TIMD4: variants seen among roughly 807,000 people sequenced by gnomAD.
TIMD4 encodes the protein T-cell immunoglobulin and mucin domain-containing protein 4.
In TIMD4, 31 loss-of-function variants were observed where a neutral mutation model predicts 41.2. The observed-to-expected ratio is 0.75, with a 90% CI of 0.57 to 1.01. TIMD4 has a LOEUF of 1.01. TIMD4 is among the 50% of genes least tolerant of loss of function. TIMD4 has a pLI of 0.00. For synonymous variants in TIMD4, 204 were observed against 177.1 expected (o/e 1.15, Z -1.21); for missense variants, 479 against 472.5 (o/e 1.01, Z -0.13).
chr5:156,941,948 G>T (rs1759658409), intron 5 of TIMD4, among the ~76,000 whole-genome samples: 1 of 152,178 alleles, frequency 6.6e-6, no homozygotes, highest in Non-Finnish European at 1.5e-5. Flanking sequence ...AGCTTCAACT[G>T]GCTTTGCAAA....
chr5:156,933,729 T>C (rs1415919854), intron 5 of TIMD4, among the ~76,000 whole-genome samples: 1 of 151,984 alleles, frequency 6.6e-6, no homozygotes, highest in Non-Finnish European at 1.5e-5. Context: ...AATTTTTGTA[T>C]TTTTGGTAGA....
chr5:156,937,030 T>C (rs577944840), intron 5 of TIMD4, among the ~76,000 whole-genome samples: 1 of 151,830 alleles, frequency 6.6e-6, no homozygotes, highest in Non-Finnish European at 1.5e-5. Context: ...TTATTATCGA[T>C]GATTATTATT....
At chr5:156,957,417 G>A (rs1054232623) in intron 1 of TIMD4, among the ~76,000 whole-genome samples, 1 of 149,676 alleles carries the variant, frequency 6.7e-6, no homozygotes, top group East Asian at 2.0e-4. Context: ...GGAGGCTGAG[G>A]CAGGAGAATC....
At chr5:156,942,231 A>G (rs1008025331) in intron 5 of TIMD4, among the ~76,000 whole-genome samples, 5 of 152,216 alleles carry the variant, frequency 3.3e-5, no homozygotes. Context: ...GCACAAGAAA[A>G]GTGAAACCTC....
At position 156,954,826 on chromosome 5, in the gene TIMD4, T is replaced by C. The variant is rs1037736552; in HGVS notation, c.59-70A>G. On this transcript the variant is annotated intron_variant, in intron 1 of 8. Transcript: ENST00000274532. ...TCTCAAACATGCTACACAGTTTTTG[T>C]GCTAATAGATGCTTCCAGGAAGATG... is the stretch of plus-strand genomic sequence containing the variant. 4.1e-6 allele frequency: 5 copies of C among 1,229,662 alleles called. No homozygotes were observed. The African/African-American group carries it at 7.6e-5, about 19-fold the overall frequency. The allele number at this position is 1,229,662 out of a possible 1,614,324, so 76.2% of individuals were successfully genotyped here.
At chr5:156,925,660 A>G (rs1759333434) in intron 6 of TIMD4, among the ~76,000 whole-genome samples, 1 of 152,218 alleles carries the variant, frequency 6.6e-6, no homozygotes, top group Non-Finnish European at 1.5e-5. Flanking sequence ...GCAGTATGTC[A>G]TGAACTCTGG....
chr5:156,933,342 T>G (rs1348438104), intron 5 of TIMD4, among the ~76,000 whole-genome samples: 1 of 152,144 alleles, frequency 6.6e-6, no homozygotes, highest in South Asian at 2.1e-4. Flanking sequence ...CATATCAAGA[T>G]GCTCTCTCTA....
chr5:156,961,264 T>C (rs1207334289), intron 1 of TIMD4, among the ~76,000 whole-genome samples: 1 of 152,144 alleles, frequency 6.6e-6, no homozygotes, highest in Non-Finnish European at 1.5e-5. Flanking sequence ...AAAGAGGAAC[T>C]CTCGTACGCT....
intron 8 of TIMD4, among the ~76,000 whole-genome samples, chr5:156,919,989 C>T (rs1759203969): frequency 6.6e-6 from 1 of 152,106 alleles, no homozygotes; most frequent in Admixed American, 6.5e-5. Flanking sequence ...GCTAAAATCC[C>T]TTACTAGAGA....
chr5:156,934,432 T>G (rs989493696), intron 5 of TIMD4, among the ~76,000 whole-genome samples: 15 of 149,208 alleles, frequency 1.0e-4, no homozygotes, highest in Non-Finnish European at 1.5e-4. Context: ...GTGTGTGTGG[T>G]TTTTTTTGTT....
chr5:156,936,939 A>C, intron 5 of TIMD4, among the ~76,000 whole-genome samples: 1 of 151,520 alleles, frequency 6.6e-6, no homozygotes, highest in Non-Finnish European at 1.5e-5. Context: ...CTGGAAAAAA[A>C]AAAAAAAAAA....
intron 6 of TIMD4, chr5:156,924,660 AAGG>A (rs1759313585): frequency 6.0e-6 from 1 of 167,856 alleles, no homozygotes; most frequent in Non-Finnish European, 1.3e-5. Context: ...AGATTTTTGG[AAGG>A]AGAACTTTCT....
chr5:156,943,984 C>T (rs1403933591), intron 5 of TIMD4, among the ~76,000 whole-genome samples: 1 of 151,212 alleles, frequency 6.6e-6, no homozygotes, highest in Non-Finnish European at 1.5e-5. Context: ...CGCTTGAACC[C>T]AGGAGGCAAA....
At chr5:156,929,080 T>C (rs1356313436) in intron 5 of TIMD4, among the ~76,000 whole-genome samples, 1 of 152,114 alleles carries the variant, frequency 6.6e-6, no homozygotes, top group Non-Finnish European at 1.5e-5. Context: ...AAAGCCCAAA[T>C]GGGAAGCACT....
At chr5:156,952,981 C>T (rs972959424) in intron 2 of TIMD4, among the ~76,000 whole-genome samples, 7 of 152,200 alleles carry the variant, frequency 4.6e-5, no homozygotes, top group African/African-American at 1.7e-4. Flanking sequence ...TCACCTCCTA[C>T]ATATCTGATT....
At chr5:156,930,449 G>C (rs1463802196) in intron 5 of TIMD4, among the ~76,000 whole-genome samples, 1 of 152,196 alleles carries the variant, frequency 6.6e-6, no homozygotes, top group Non-Finnish European at 1.5e-5. Context: ...TCATTATGCT[G>C]GAGTTCAAGT....
At chr5:156,938,882 C>T (rs1409116254) in intron 5 of TIMD4, among the ~76,000 whole-genome samples, 1 of 152,200 alleles carries the variant, frequency 6.6e-6, no homozygotes, top group Non-Finnish European at 1.5e-5. Flanking sequence ...TAACTACAGC[C>T]TCCCTAGGCT....
chr5:156,933,030 A>AGAAAT (rs1368048646), intron 5 of TIMD4, among the ~76,000 whole-genome samples: 1 of 152,058 alleles, frequency 6.6e-6, no homozygotes, highest in Admixed American at 6.6e-5. Context: ...AGAAAAGAAA[A>AGAAAT]GAAAATGGTT....
At chr5:156,953,424 G>A (rs960294250) in intron 2 of TIMD4, among the ~76,000 whole-genome samples, 4 of 152,002 alleles carry the variant, frequency 2.6e-5, no homozygotes, top group Admixed American at 2.6e-4. Flanking sequence ...GGGAGGCCGA[G>A]GTGGGTGGAT....
Sources: allele counts gnomAD v4.1 joint callset (sites outside exome capture counted in the v4.1 genomes callset), GRCh38; gene constraint gnomAD v4.1.1; transcripts MANE v1.5; gene names NCBI Gene and HGNC (gene_info 2026-07-23, HGNC 2026-07-21).